ARFIP1: variants seen among roughly 807,000 people sequenced by gnomAD.
ARFIP1 encodes ARF interacting protein 1.
In ARFIP1, 24 loss-of-function variants were observed where a neutral mutation model predicts 42.5. The observed-to-expected ratio is 0.57, with a 90% confidence interval of 0.41 to 0.80. ARFIP1 has a LOEUF of 0.80. Ranked by LOEUF, ARFIP1 falls within the 30% of genes least tolerant of loss-of-function variation. The pLI, the probability that ARFIP1 is intolerant of heterozygous loss-of-function variation, is 0.00. For missense variants in ARFIP1, 354 were observed against 434.0 expected (o/e 0.82, Z 1.64); for synonymous variants, 141 against 153.7 (o/e 0.92, Z 0.61).
At chr4:152,889,254 C>T (rs988424729) in intron 8 of ARFIP1, among the ~76,000 whole-genome samples, 1 of 151,844 alleles carries the variant, frequency 6.6e-6, no homozygotes, top group Non-Finnish European at 1.5e-5. Context: ...TCCTTAGAAA[C>T]TCTCATGGCT....
chr4:152,813,848 A>T (rs1729659916), intron 1 of ARFIP1, among the ~76,000 whole-genome samples: 1 of 152,154 alleles, frequency 6.6e-6, no homozygotes. Flanking sequence ...AAAGGGAAAA[A>T]ATAGGGTTAT....
chr4:152,795,807 G>T (rs1418699412), intron 1 of ARFIP1, among the ~76,000 whole-genome samples: 3 of 65,338 alleles, frequency 4.6e-5, no homozygotes, highest in Non-Finnish European at 6.3e-5. Context: ...ATTGTTACTT[G>T]AGGGCCCTTG....
intron 1 of ARFIP1, among the ~76,000 whole-genome samples, chr4:152,788,789 T>G (rs1237800517): frequency 2.0e-5 from 3 of 148,896 alleles, no homozygotes; most frequent in African/African-American, 7.4e-5. Flanking sequence ...TTACCTCACT[T>G]TTCCCCAATG....
intron 8 of ARFIP1, among the ~76,000 whole-genome samples, chr4:152,896,453 C>A (rs1399759035): frequency 6.6e-6 from 1 of 152,014 alleles, no homozygotes; most frequent in African/African-American, 2.4e-5. Flanking sequence ...TAGAAAACTC[C>A]TCAGGACAGA....
intron 1 of ARFIP1, among the ~76,000 whole-genome samples, chr4:152,782,824 G>C (rs983566477): frequency 6.6e-6 from 1 of 151,932 alleles, no homozygotes; most frequent in Non-Finnish European, 1.5e-5. Context: ...TACTGATTTG[G>C]TTGTGAATTA....
chr4:152,849,937 C>CT (rs1340993205), intron 2 of ARFIP1, among the ~76,000 whole-genome samples: 1 of 121,574 alleles, frequency 8.2e-6, no homozygotes, highest in Non-Finnish European at 1.9e-5. Flanking sequence ...AAATCTGAGA[C>CT]TAAGGTGTAG....
At chr4:152,823,927 G>GA (rs1214956472) in intron 1 of ARFIP1, among the ~76,000 whole-genome samples, 1 of 151,154 alleles carries the variant, frequency 6.6e-6, no homozygotes, top group South Asian at 2.1e-4. Context: ...TAACAAAAAA[G>GA]AAAACTACAG....
At chr4:152,788,146 C>T (rs987716067) in intron 1 of ARFIP1, among the ~76,000 whole-genome samples, 2 of 152,008 alleles carry the variant, frequency 1.3e-5, no homozygotes, top group Admixed American at 6.5e-5. Context: ...GGTGGAAGAT[C>T]GTTTGAACCT....
chr4:152,833,671 G>A (rs1731422505), intron 2 of ARFIP1, among the ~76,000 whole-genome samples: 1 of 152,158 alleles, frequency 6.6e-6, no homozygotes, highest in African/African-American at 2.4e-5. Context: ...TACACCCACA[G>A]ACAATGCGAT....
At chr4:152,792,835 AAAATC>A (rs1279172990) in intron 1 of ARFIP1, among the ~76,000 whole-genome samples, 2 of 152,216 alleles carry the variant, frequency 1.3e-5, no homozygotes, top group African/African-American at 4.8e-5. Flanking sequence ...TTTTTATAGT[AAAATC>A]AAAGCAGCTA....
intron 5 of ARFIP1, among the ~76,000 whole-genome samples, chr4:152,873,357 A>G (rs1319778514): frequency 6.6e-6 from 1 of 152,180 alleles, no homozygotes; most frequent in African/African-American, 2.4e-5. Context: ...TCAACAGTAA[A>G]ACAGAAGTGA....
Position 152,910,402 on chromosome 4 carries a change from T to TAA in ARFIP1, c.*185_*186dup, listed in dbSNP as rs1379838248. The TAA allele has an allele frequency of 1.6e-6, 1 of 627,826 alleles. No homozygotes were observed. The highest frequency in any genetic ancestry group is 2.5e-6 in the Non-Finnish European group (1 of 396,250). 38.9% of individuals were successfully genotyped at this position (627,826 alleles called of 1,614,324 possible). On this transcript the variant is annotated 3_prime_UTR_variant, in exon 9 of 9. Transcript: ENST00000353617. Reference sequence around the variant, plus strand: ...TGAACTGTTAAGGGTGGTTTTAATGTAAACATAGTTTCTATAATCTGAACA... The same window carrying TAA: ...TGAACTGTTAAGGGTGGTTTTAATGTAAAAACATAGTTTCTATAATCTGAACA...
intron 3 of ARFIP1, among the ~76,000 whole-genome samples, chr4:152,866,226 T>C (rs1734321430): frequency 6.6e-6 from 1 of 152,228 alleles, no homozygotes; most frequent in South Asian, 2.1e-4. Flanking sequence ...CAGAAGAATT[T>C]TTCTTAGTAC....
At chr4:152,809,913 C>T (rs901757252) in intron 1 of ARFIP1, among the ~76,000 whole-genome samples, 7 of 152,148 alleles carry the variant, frequency 4.6e-5, no homozygotes, top group Non-Finnish European at 7.3e-5. Flanking sequence ...CTTTGATCTT[C>T]TCCTTTAACA....
intron 8 of ARFIP1, among the ~76,000 whole-genome samples, chr4:152,896,439 A>G (rs1282073797): frequency 6.6e-6 from 1 of 152,218 alleles, no homozygotes; most frequent in Non-Finnish European, 1.5e-5. Flanking sequence ...GAGAATGCTA[A>G]TGATAGAAAA....
intron 6 of ARFIP1, among the ~76,000 whole-genome samples, chr4:152,881,761 A>G (rs1306902205): frequency 6.6e-6 from 1 of 152,176 alleles, no homozygotes; most frequent in East Asian, 1.9e-4. Context: ...TCTTAAATGG[A>G]AAATGGTTTT....
At chr4:152,857,812 T>C (rs1733561673) in intron 2 of ARFIP1, among the ~76,000 whole-genome samples, 6 of 152,206 alleles carry the variant, frequency 3.9e-5, no homozygotes, top group Admixed American at 3.3e-4. Context: ...ATTACTTAAT[T>C]ACAGGACTTG....
chr4:152,818,931 G>T (rs565346650), intron 1 of ARFIP1, among the ~76,000 whole-genome samples: 1 of 152,284 alleles, frequency 6.6e-6, no homozygotes, highest in East Asian at 1.9e-4. Context: ...CAGCAGCCAG[G>T]AAACTACCTT....
chr4:152,908,920 G>A (rs1380660459), intron 8 of ARFIP1, among the ~76,000 whole-genome samples: 1 of 151,538 alleles, frequency 6.6e-6, no homozygotes, highest in African/African-American at 2.4e-5. Flanking sequence ...GTGTGTGTGT[G>A]TGTGTGTGTG....
Sources: gnomAD v4.1 joint callset for allele counts (sites outside exome capture counted in the v4.1 genomes callset) on GRCh38, gnomAD v4.1.1 for gene constraint, MANE v1.5 for transcripts, NCBI Gene and HGNC (gene_info 2026-07-23, HGNC 2026-07-21) for gene names.